Variants in THEMIS observed in about 807,000 individuals in gnomAD.
THEMIS encodes protein THEMIS.
THEMIS carries 37 observed loss-of-function variants against 52.6 expected under a neutral mutation model. That is an observed-to-expected ratio of 0.70 (90% CI 0.54 to 0.93). The LOEUF (loss-of-function observed/expected upper bound fraction) is 0.93, where lower values mean the gene tolerates loss of function less well. Ranked by LOEUF, THEMIS falls within the 40% of genes least tolerant of loss-of-function variation. The pLI, the probability that THEMIS is intolerant of heterozygous loss-of-function variation, is 0.00. For synonymous variants in THEMIS, 292 were observed against 272.7 expected, an observed-to-expected ratio of 1.07 and a Z score of -0.70; for missense variants, 808 against 763.1, an observed-to-expected ratio of 1.06 and a Z score of -0.69.
Position 127,709,567 on chromosome 6 carries a change from G to A in THEMIS, c.*418C>T, listed in dbSNP as rs2114445877. 1 of 156,862 alleles carries A rather than the reference G, an allele frequency of 6.4e-6. No individual in the cohort carries two copies. The highest frequency in any genetic ancestry group is 1.9e-4 in the East Asian group (1 of 5,328). 9.7% of individuals were successfully genotyped at this position (156,862 alleles called of 1,614,324 possible). On this transcript the variant is annotated 3_prime_UTR_variant, in exon 6 of 6. Transcript: ENST00000368248. ...GTTAGTCTTGTTAGGAATGATGATAGCACTAAAAAATGGCAAAACAAATTC... is the reference window on the plus strand; with the variant it reads ...GTTAGTCTTGTTAGGAATGATGATAACACTAAAAAATGGCAAAACAAATTC...
intron 4 of THEMIS, among the ~76,000 whole-genome samples, chr6:127,734,025 T>C (rs1246241065): frequency 1.3e-5 from 2 of 152,208 alleles, no homozygotes; most frequent in Non-Finnish European, 2.9e-5. Flanking sequence ...TCCTGTTCAC[T>C]TGTGTCCGTA....
At chr6:127,871,064 C>T (rs1020576943) in intron 1 of THEMIS, among the ~76,000 whole-genome samples, 2 of 152,120 alleles carry the variant, frequency 1.3e-5, no homozygotes, top group African/African-American at 2.4e-5. Context: ...CCCACAATAA[C>T]ATATGCTGAG....
chr6:127,864,752 G>A (rs1359402019), intron 1 of THEMIS, among the ~76,000 whole-genome samples: 2 of 152,110 alleles, frequency 1.3e-5, no homozygotes, highest in African/African-American at 2.4e-5. Context: ...TTACCTGAAC[G>A]TCCAGCAAAA....
intron 1 of THEMIS, among the ~76,000 whole-genome samples, chr6:127,913,547 T>C (rs1781457507): frequency 6.6e-6 from 1 of 152,218 alleles, no homozygotes; most frequent in African/African-American, 2.4e-5. Flanking sequence ...CCAGGTTAAA[T>C]TCTACCTACA....
At chr6:127,797,112 GC>G (rs1446536189) in intron 4 of THEMIS, among the ~76,000 whole-genome samples, 1 of 152,108 alleles carries the variant, frequency 6.6e-6, no homozygotes, top group Non-Finnish European at 1.5e-5. Flanking sequence ...TTAATGATGT[GC>G]TCTCTTCAAC....
chr6:127,824,715 T>A (rs1180698322), intron 3 of THEMIS, among the ~76,000 whole-genome samples: 3 of 152,180 alleles, frequency 2.0e-5, no homozygotes, highest in Non-Finnish European at 4.4e-5. Flanking sequence ...GTCAGGATGG[T>A]CTCGATCTCC....
At chr6:127,742,321 A>G (rs1358374487) in intron 4 of THEMIS, among the ~76,000 whole-genome samples, 1 of 150,210 alleles carries the variant, frequency 6.7e-6, no homozygotes, top group Non-Finnish European at 1.5e-5. Flanking sequence ...CTTAAAAAAA[A>G]AAAAAAACAA....
intron 1 of THEMIS, among the ~76,000 whole-genome samples, chr6:127,913,173 C>A (rs775375825): frequency 6.6e-6 from 1 of 152,042 alleles, no homozygotes; most frequent in African/African-American, 2.4e-5. Flanking sequence ...AGCAGAGCAT[C>A]AAGTAATCCC....
chr6:127,787,592 T>G (rs1178378080), intron 4 of THEMIS, among the ~76,000 whole-genome samples: 1 of 152,180 alleles, frequency 6.6e-6, no homozygotes, highest in Admixed American at 6.5e-5. Context: ...TGTAAACATA[T>G]TATTACTGGG....
intron 3 of THEMIS, among the ~76,000 whole-genome samples, chr6:127,829,164 T>C (rs1267667682): frequency 6.6e-6 from 1 of 152,216 alleles, no homozygotes; most frequent in African/African-American, 2.4e-5. Context: ...TTTTTAAAAG[T>C]AGCTCTTTTC....
At chr6:127,784,950 ACTATCTATCTATCTATCTAT>A (rs59805084) in intron 4 of THEMIS, among the ~76,000 whole-genome samples, 203 of 145,506 alleles carry the variant, frequency 1.4e-3, no homozygotes, top group African/African-American at 3.7e-3. Flanking sequence ...AGGCAGTCAC[ACTATCTATCTATCTATCTAT>A]CTATCTATCT....
At chr6:127,792,038 G>A (rs1430746391) in intron 4 of THEMIS, among the ~76,000 whole-genome samples, 2 of 152,172 alleles carry the variant, frequency 1.3e-5, no homozygotes, top group Admixed American at 6.5e-5. Context: ...CCCTGGGAGG[G>A]CAGGGCTCCA....
intron 3 of THEMIS, among the ~76,000 whole-genome samples, chr6:127,820,661 C>T (rs1192646747): frequency 6.6e-6 from 1 of 152,044 alleles, no homozygotes; most frequent in Non-Finnish European, 1.5e-5. Flanking sequence ...GTCTACCTTT[C>T]TTTCTATACT....
At chr6:127,720,833 C>A (rs535539735) in intron 4 of THEMIS, among the ~76,000 whole-genome samples, 2 of 151,938 alleles carry the variant, frequency 1.3e-5, no homozygotes, top group Non-Finnish European at 2.9e-5. Flanking sequence ...CTGAGCCTTA[C>A]GATATGAATC....
intron 4 of THEMIS, among the ~76,000 whole-genome samples, chr6:127,733,886 C>T (rs1774894860): frequency 6.6e-6 from 1 of 151,918 alleles, no homozygotes; most frequent in Non-Finnish European, 1.5e-5. Context: ...AAGAAAATCC[C>T]ATAAAGTGTA....
chr6:127,725,870 T>C (rs1158064117), intron 4 of THEMIS, among the ~76,000 whole-genome samples: 1 of 152,132 alleles, frequency 6.6e-6, no homozygotes, highest in Non-Finnish European at 1.5e-5. Flanking sequence ...TGCTCAAGCC[T>C]GTGTTTGGCA....
At chr6:127,890,331 G>A (rs1487368449) in intron 1 of THEMIS, among the ~76,000 whole-genome samples, 1 of 152,148 alleles carries the variant, frequency 6.6e-6, no homozygotes, top group East Asian at 1.9e-4. Flanking sequence ...GCTAAAAATA[G>A]ATTGATAGTT....
chr6:127,852,987 C>A (rs1484299612), intron 2 of THEMIS, among the ~76,000 whole-genome samples: 2 of 151,598 alleles, frequency 1.3e-5, no homozygotes, highest in African/African-American at 4.8e-5. Flanking sequence ...CCAAATTAAA[C>A]TGTTAGCCAA....
At chr6:127,826,837 T>G (rs1778523441) in intron 3 of THEMIS, among the ~76,000 whole-genome samples, 1 of 152,110 alleles carries the variant, frequency 6.6e-6, no homozygotes. Context: ...AGGGATAATT[T>G]TTTCTAAATC....
Sources: allele counts gnomAD v4.1 joint callset (sites outside exome capture counted in the v4.1 genomes callset), GRCh38; gene constraint gnomAD v4.1.1; transcripts MANE v1.5; gene names NCBI Gene and HGNC (gene_info 2026-07-23, HGNC 2026-07-21).